The following C8orf34 variants were observed in gnomAD, a reference collection of about 807,000 sequenced individuals.
C8orf34 encodes the protein uncharacterized protein C8orf34.
In C8orf34, 65 loss-of-function variants were observed where a neutral mutation model predicts 68.3. The ratio of observed to expected loss-of-function variants is 0.95; its 90% CI spans 0.78 to 1.17. The LOEUF is 1.17. Ranked by LOEUF, C8orf34 falls within the 50% of genes most tolerant of loss-of-function variation. The pLI is 0.00. For missense variants in C8orf34, 664 were observed against 655.4 expected (o/e 1.01, Z -0.14); for synonymous variants, 244 against 241.2 (o/e 1.01, Z -0.11).
chr8:68,465,529 T>C (rs1254352445), intron 3 of C8orf34, among the ~76,000 whole-genome samples: 1 of 152,060 alleles, frequency 6.6e-6, no homozygotes, highest in African/African-American at 2.4e-5. Context: ...CTATTCACAA[T>C]AGCAAAGTCT....
intron 12 of C8orf34, among the ~76,000 whole-genome samples, chr8:68,802,398 C>G (rs748250872): frequency 6.6e-6 from 1 of 152,156 alleles, no homozygotes; most frequent in Non-Finnish European, 1.5e-5. Flanking sequence ...CCATGCCCAG[C>G]TGGTGTAAGA....
intron 5 of C8orf34, among the ~76,000 whole-genome samples, chr8:68,503,051 A>G (rs2053265414): frequency 6.6e-6 from 1 of 152,194 alleles, no homozygotes; most frequent in Admixed American, 6.5e-5. Flanking sequence ...TCTGAACAAC[A>G]AAAAGCATAA....
chr8:68,769,364 G>A (rs1469074192), intron 10 of C8orf34, among the ~76,000 whole-genome samples: 3 of 147,516 alleles, frequency 2.0e-5, no homozygotes, highest in African/African-American at 5.0e-5. Context: ...ATTTTTGTTT[G>A]TTTCTCCTTA....
chr8:68,807,542 T>G lies in C8orf34; in HGVS notation c.1550-8344T>G, dbSNP rs73683730. Among the ~76,000 whole-genome samples, 1,474 of 152,322 alleles carry G rather than the reference T, an allele frequency of 9.7e-3. 17 individuals are homozygous for G. Among genetic ancestry groups the G allele is most frequent in the African/African-American group, 0.034 (1,407 of 41,578 alleles). On this transcript the variant is annotated intron_variant, in intron 12 of 13. Coordinates refer to ENST00000518698, the MANE Select transcript of C8orf34 (RefSeq NM_052958.4). Reference sequence around the variant, plus strand: ...CTAAAATTCTAGATATTATCTTTAATTTTCTTATTAAGCATATTTATTTTA... The same window carrying G: ...CTAAAATTCTAGATATTATCTTTAAGTTTCTTATTAAGCATATTTATTTTA...
intron 5 of C8orf34, among the ~76,000 whole-genome samples, chr8:68,494,076 T>C (rs1401494696): frequency 6.6e-6 from 1 of 152,180 alleles, no homozygotes; most frequent in Admixed American, 6.5e-5. Flanking sequence ...CCCATGTTCA[T>C]AGCAGCATTA....
chr8:68,409,473 G>C (rs184754791), intron 1 of C8orf34, among the ~76,000 whole-genome samples: 3 of 152,196 alleles, frequency 2.0e-5, no homozygotes, highest in Admixed American at 1.3e-4. Context: ...AAATTAAAAA[G>C]TTTAAAAATA....
chr8:68,498,514 G>A (rs1353137293), intron 5 of C8orf34, among the ~76,000 whole-genome samples: 5 of 152,162 alleles, frequency 3.3e-5, no homozygotes, highest in African/African-American at 4.8e-5. Context: ...TCTAAGGACA[G>A]GGAGAACAGC....
At chr8:68,513,012 A>G (rs958393327) in intron 5 of C8orf34, among the ~76,000 whole-genome samples, 8 of 152,306 alleles carry the variant, frequency 5.3e-5, no homozygotes, top group South Asian at 2.1e-4. Flanking sequence ...GGCCTTACCA[A>G]TTGTGAAGCC....
chr8:68,389,181 C>T (rs1808379292), intron 1 of C8orf34, among the ~76,000 whole-genome samples: 1 of 152,036 alleles, frequency 6.6e-6, no homozygotes, highest in Non-Finnish European at 1.5e-5. Context: ...AAATATTGTC[C>T]TCATGGAGCC....
At chr8:68,767,611 G>C (rs1823218203) in intron 10 of C8orf34, among the ~76,000 whole-genome samples, 2 of 152,216 alleles carry the variant, frequency 1.3e-5, no homozygotes, top group South Asian at 4.1e-4. Flanking sequence ...CTCCTCTTTG[G>C]TATGACCATT....
Position 68,757,668 on chromosome 8 carries a change from T to C in C8orf34, c.1405-18731T>C, listed in dbSNP as rs78307658. Reference sequence around the variant, plus strand: ...ATAAATAAAGCACAAAAATGTTGCTTATAGGGAATATTGTGGTGAACATGT... The same window carrying C: ...ATAAATAAAGCACAAAAATGTTGCTCATAGGGAATATTGTGGTGAACATGT... On this transcript the variant is annotated intron_variant, in intron 10 of 13. Coordinates refer to ENST00000518698, the MANE Select transcript of C8orf34 (RefSeq NM_052958.4). Among the ~76,000 whole-genome samples, 1,173 of 152,146 alleles carry C rather than the reference T, an allele frequency of 7.7e-3. 19 individuals are homozygous for C. The highest frequency in any genetic ancestry group is 0.027 in the African/African-American group (1,109 of 41,496).
At chr8:68,667,851 A>G (rs16934888) in intron 8 of C8orf34, among the ~76,000 whole-genome samples, 14,303 of 152,208 alleles carry the variant, frequency 0.094, 845 homozygotes, top group African/African-American at 0.16. Flanking sequence ...GATGAAGGAA[A>G]CTGAATTGTC....
At chr8:68,744,732 T>C (rs1225924339) in intron 10 of C8orf34, among the ~76,000 whole-genome samples, 1 of 152,174 alleles carries the variant, frequency 6.6e-6, no homozygotes, top group Non-Finnish European at 1.5e-5. Flanking sequence ...TATGGGACTA[T>C]GTGAAAAGAC....
intron 4 of C8orf34, among the ~76,000 whole-genome samples, chr8:68,475,751 C>T (rs552930263): frequency 1.3e-5 from 2 of 152,322 alleles, no homozygotes; most frequent in East Asian, 1.9e-4. Flanking sequence ...CTTCGTGAGG[C>T]ACTATTCCCA....
chr8:68,334,918 C>T (rs942816836), intron 1 of C8orf34, among the ~76,000 whole-genome samples: 7 of 152,320 alleles, frequency 4.6e-5, no homozygotes, highest in African/African-American at 1.7e-4. Flanking sequence ...TACCCCACGG[C>T]ACTTCTTCCA....
In C8orf34 at chr8:68,776,334, G is replaced by A. The variant is rs149968047; in HGVS notation, c.1405-65G>A. On this transcript the variant is annotated intron_variant, in intron 10 of 13. Coordinates refer to ENST00000518698, the MANE Select transcript of C8orf34 (RefSeq NM_052958.4). ...GTTGCTCTCAGATCCCACTCTCCACGATTCTTTCATTCTTTTTCTCTCCTT... is the reference window on the plus strand; with the variant it reads ...GTTGCTCTCAGATCCCACTCTCCACAATTCTTTCATTCTTTTTCTCTCCTT... The A allele has an allele frequency of 6.9e-3, 8,642 of 1,261,442 alleles. 44 individuals carry two copies. The highest frequency in any genetic ancestry group is 8.7e-3 in the South Asian group (719 of 82,362). The allele number at this position is 1,261,442 out of a possible 1,614,324, so 78.1% of individuals were successfully genotyped here. A position where few individuals can be genotyped will look rare whatever the true frequency, so the allele number is the denominator to read the frequency against.
chr8:68,614,811 T>A (rs1373454415), intron 7 of C8orf34, among the ~76,000 whole-genome samples: 1 of 152,216 alleles, frequency 6.6e-6, no homozygotes, highest in Non-Finnish European at 1.5e-5. Context: ...AGTAGTTTTT[T>A]CCAATTCTGT....
intron 7 of C8orf34, among the ~76,000 whole-genome samples, chr8:68,557,111 C>A (rs1816279393): frequency 6.6e-6 from 1 of 152,080 alleles, no homozygotes; most frequent in Non-Finnish European, 1.5e-5. Flanking sequence ...AGAAAAAATT[C>A]TTGCTGGATC....
chr8:68,481,840 A>T (rs963870978), intron 4 of C8orf34, among the ~76,000 whole-genome samples: 4 of 152,202 alleles, frequency 2.6e-5, no homozygotes, highest in Non-Finnish European at 4.4e-5. Context: ...TTACAGGCTC[A>T]TATGTAGAAG....
Sources: gnomAD v4.1 joint callset for allele counts (sites outside exome capture counted in the v4.1 genomes callset) on GRCh38, gnomAD v4.1.1 for gene constraint, MANE v1.5 for transcripts, NCBI Gene and HGNC (gene_info 2026-07-23, HGNC 2026-07-21) for gene names.